The following MEI4 variants were observed in gnomAD, a reference collection of about 807,000 sequenced individuals.
The protein encoded by MEI4 is meiosis-specific protein MEI4.
In MEI4, 27 loss-of-function variants were observed where a neutral mutation model predicts 31.4. The observed-to-expected ratio is 0.86, with a 90% CI of 0.63 to 1.19. The LOEUF (loss-of-function observed/expected upper bound fraction) is 1.19, where lower values mean the gene tolerates loss of function less well. Ranked by LOEUF, MEI4 falls within the 50% of genes most tolerant of loss-of-function variation. MEI4 has a pLI of 0.00. For synonymous variants in MEI4, 122 were observed against 145.4 expected, an observed-to-expected ratio of 0.84 and a Z score of 1.16; for missense variants, 329 against 398.9, an observed-to-expected ratio of 0.82 and a Z score of 1.49.
chr6:77,828,281 C>T (rs113647216), intron 3 of MEI4, among the ~76,000 whole-genome samples: 2,271 of 148,556 alleles, frequency 0.015, 25 homozygotes, highest in Non-Finnish European at 0.023. Flanking sequence ...GGTCCATGGC[C>T]TGTTAGAAAC....
At chr6:77,834,710 T>C (rs1770171516) in intron 4 of MEI4, among the ~76,000 whole-genome samples, 2 of 152,200 alleles carry the variant, frequency 1.3e-5, no homozygotes, top group Admixed American at 1.3e-4. Context: ...GTAAGACTGA[T>C]TAACAAAATT....
chr6:77,891,336 TTCTC>T (rs1217866428), intron 4 of MEI4, among the ~76,000 whole-genome samples: 1 of 152,164 alleles, frequency 6.6e-6, no homozygotes, highest in East Asian at 1.9e-4. Flanking sequence ...TTCTTTTTCT[TTCTC>T]CTTTTTTTGT....
At chr6:77,731,537 C>G (rs1419564630) in intron 2 of MEI4, among the ~76,000 whole-genome samples, 7 of 151,380 alleles carry the variant, frequency 4.6e-5, no homozygotes, top group African/African-American at 1.7e-4. Flanking sequence ...AGCCCTTTGT[C>G]AGATGAGTAG....
intron 3 of MEI4, among the ~76,000 whole-genome samples, chr6:77,807,335 T>C (rs1364654757): frequency 6.6e-6 from 1 of 152,152 alleles, no homozygotes; most frequent in Non-Finnish European, 1.5e-5. Flanking sequence ...TAGAATTAGC[T>C]GGACTTCATG....
At chr6:77,861,642 A>G (rs895952026) in intron 4 of MEI4, among the ~76,000 whole-genome samples, 1 of 152,204 alleles carries the variant, frequency 6.6e-6, no homozygotes, top group African/African-American at 2.4e-5. Flanking sequence ...GGCCACATGT[A>G]TATTCATACA....
intron 3 of MEI4, among the ~76,000 whole-genome samples, chr6:77,780,612 C>T (rs1049825137): frequency 6.6e-6 from 1 of 152,116 alleles, no homozygotes; most frequent in African/African-American, 2.4e-5. Flanking sequence ...TTTATCTTTT[C>T]AAATGATATA....
chr6:77,838,862 C>G (rs1405511965), intron 4 of MEI4, among the ~76,000 whole-genome samples: 1 of 151,468 alleles, frequency 6.6e-6, no homozygotes, highest in Non-Finnish European at 1.5e-5. Flanking sequence ...GAGATCGTGC[C>G]ATTGCACTCC....
intron 3 of MEI4, among the ~76,000 whole-genome samples, chr6:77,776,326 C>T (rs1411348843): frequency 1.3e-5 from 2 of 151,770 alleles, no homozygotes; most frequent in East Asian, 3.9e-4. Flanking sequence ...TGACTCTTAC[C>T]CTTTGATTTT....
At chr6:77,738,617 A>G (rs1582083463) in intron 2 of MEI4, among the ~76,000 whole-genome samples, 3 of 110,758 alleles carry the variant, frequency 2.7e-5, no homozygotes, top group African/African-American at 1.1e-4. Flanking sequence ...CAGTAATGGG[A>G]TTTCTGGGTC....
chr6:77,895,559 A>T (rs908153403), intron 4 of MEI4, among the ~76,000 whole-genome samples: 1 of 152,148 alleles, frequency 6.6e-6, no homozygotes, highest in Non-Finnish European at 1.5e-5. Flanking sequence ...GCCCTTCAGC[A>T]TCTTCTCCCA....
intron 4 of MEI4, among the ~76,000 whole-genome samples, chr6:77,859,729 C>T (rs910842992): frequency 9.2e-5 from 14 of 152,020 alleles, no homozygotes; most frequent in African/African-American, 2.9e-4. Flanking sequence ...CATATTAAAT[C>T]ATGGAAAAAG....
At chr6:77,878,280 A>G (rs1006641374) in intron 4 of MEI4, among the ~76,000 whole-genome samples, 1 of 152,196 alleles carries the variant, frequency 6.6e-6, no homozygotes, top group African/African-American at 2.4e-5. Context: ...CAAATGAATT[A>G]GTAAATTAAA....
chr6:77,728,608 G>C (rs1766887878), intron 2 of MEI4, among the ~76,000 whole-genome samples: 2 of 152,230 alleles, frequency 1.3e-5, no homozygotes, highest in Non-Finnish European at 2.9e-5. Context: ...AAGTGATGGA[G>C]TACCTGGAGA....
At chr6:77,810,871 T>A (rs934124896) in intron 3 of MEI4, among the ~76,000 whole-genome samples, 12 of 152,236 alleles carry the variant, frequency 7.9e-5, no homozygotes, top group Non-Finnish European at 1.6e-4. Flanking sequence ...CCATGGTCTG[T>A]CTCCAAATTA....
chr6:77,827,215 C>A (rs755639376), intron 3 of MEI4, among the ~76,000 whole-genome samples: 1 of 151,726 alleles, frequency 6.6e-6, no homozygotes, highest in Non-Finnish European at 1.5e-5. Context: ...AAAAAATTAG[C>A]TGGGTGTGGT....
At chr6:77,898,442 AACTG>A (rs1471710135) in intron 4 of MEI4, among the ~76,000 whole-genome samples, 1 of 152,074 alleles carries the variant, frequency 6.6e-6, no homozygotes, top group Non-Finnish European at 1.5e-5. Flanking sequence ...GCACATAGGA[AACTG>A]ACCAAATGGT....
In MEI4 at chr6:77,820,850, A is replaced by G. The variant is rs1288683833; in HGVS notation, c.769-8081A>G. On this transcript the variant is annotated intron_variant, in intron 3 of 4. Transcript: ENST00000684080. This position sits in a 1 kb window ranked among gnomAD's most constrained non-coding sequence, Gnocchi z 4.5. Reference sequence around the variant, plus strand: ...AATTCTTGTTGTTTCTTAGGCCTAAAAAACTTTCTTCCATTATTTTTTCCC... The same window carrying G: ...AATTCTTGTTGTTTCTTAGGCCTAAGAAACTTTCTTCCATTATTTTTTCCC... 1.3e-5 allele frequency among the ~76,000 whole-genome samples: 2 copies of G among 152,004 alleles called. No homozygotes were observed. Among genetic ancestry groups the G allele is most frequent in the Non-Finnish European group, 2.9e-5 (2 of 68,002 alleles).
At chr6:77,742,881 C>G (rs1408406667) in intron 2 of MEI4, among the ~76,000 whole-genome samples, 1 of 152,018 alleles carries the variant, frequency 6.6e-6, no homozygotes, top group Non-Finnish European at 1.5e-5. Flanking sequence ...ATAGGGACTC[C>G]TTTCCCCATT....
intron 2 of MEI4, among the ~76,000 whole-genome samples, chr6:77,730,197 A>T (rs1342877933): frequency 6.6e-6 from 1 of 152,176 alleles, no homozygotes; most frequent in Non-Finnish European, 1.5e-5. Flanking sequence ...GGGGCACTGA[A>T]TTGGGTGTAT....
Sources: allele counts gnomAD v4.1 joint callset (sites outside exome capture counted in the v4.1 genomes callset), GRCh38; gene constraint gnomAD v4.1.1; non-coding constraint Gnocchi (gnomAD v3.1); transcripts MANE v1.5; gene names NCBI Gene and HGNC (gene_info 2026-07-23, HGNC 2026-07-21).